Variants in DCAF6 observed in about 807,000 individuals in gnomAD.
DCAF6 encodes DDB1- and CUL4-associated factor 6.
A neutral mutation model predicts 125.1 loss-of-function variants in DCAF6; 54 were observed. That is an observed-to-expected ratio of 0.43 (90% CI 0.35 to 0.54). The LOEUF (loss-of-function observed/expected upper bound fraction) is 0.54. DCAF6 is among the 20% of genes least tolerant of loss of function. The probability of loss-of-function intolerance (pLI) is 0.01; values close to 1 mark genes in which losing one functional copy is unlikely to be tolerated. For synonymous variants in DCAF6, 371 were observed against 390.4 expected (o/e 0.95, Z 0.58); for missense variants, 934 against 1,161.7 (o/e 0.80, Z 2.85).
At chr1:167,921,578 G>GTGTTTTTAACAC in the DCAF6 span, among the ~76,000 whole-genome samples, 1 of 152,012 alleles carries the variant, frequency 6.6e-6, no homozygotes, top group East Asian at 1.9e-4. Context: ...TTTCTCTTCT[G>GTGTTTTTAACAC]TGTTTTTAAC....
Position 168,075,564 on chromosome 1 carries a change from T to A in DCAF6, c.*129T>A, listed in dbSNP as rs1693706427. 2.7e-6 allele frequency: 2 copies of A among 728,350 alleles called. No individual in the cohort carries two copies. Among genetic ancestry groups the A allele is most frequent in the East Asian group, 5.9e-5 (2 of 33,836 alleles). The allele number at this position is 728,350 out of a possible 1,614,324, so 45.1% of individuals were successfully genotyped here. A position where few individuals can be genotyped will look rare whatever the true frequency, so the allele number is the denominator to read the frequency against. ...TTGGAGTTTTTCCCTTTTTTTGGGA[T>A]AACCTAACATTGGTTTGGAATGATT... On this transcript the variant is annotated 3_prime_UTR_variant, in exon 22 of 22. Coordinates refer to ENST00000367840, the MANE Select transcript of DCAF6 (RefSeq NM_001198956.2).
chr1:167,920,134 C>A, the DCAF6 span: 1 of 1,225,040 alleles, frequency 8.2e-7, no homozygotes, highest in South Asian at 1.3e-5. Context: ...CATACTGCTT[C>A]AATAACTTCA....
chr1:167,927,532 A>C, the DCAF6 span, among the ~76,000 whole-genome samples: 1 of 152,238 alleles, frequency 6.6e-6, no homozygotes, highest in South Asian at 2.1e-4. Context: ...ATGGGTGTTC[A>C]TTTTTACTCT....
intron 3 of DCAF6, chr1:167,968,429 T>G (rs1436255228): frequency 6.6e-6 from 1 of 152,374 alleles, no homozygotes; most frequent in East Asian, 1.9e-4. Flanking sequence ...GTCTCTGTGA[T>G]GTCATGCTAG....
At chr1:168,009,373 TCC>T (rs1683880348) in intron 10 of DCAF6, among the ~76,000 whole-genome samples, 1 of 140,798 alleles carries the variant, frequency 7.1e-6, no homozygotes, top group African/African-American at 3.0e-5. Flanking sequence ...CTTCCTTCCT[TCC>T]TTCCTTCCTT....
rs574048053 is a variant in DCAF6, at chr1:168,000,793, A to G, written c.904-1689A>G. ...TTTATATGAAATGTTTAGAAAAGGC[A>G]TATCCACAGAGACAGGAAGTAGATT... On this transcript the variant is annotated intron_variant, in intron 7 of 21. Coordinates refer to ENST00000367840, the MANE Select transcript of DCAF6 (RefSeq NM_001198956.2). Among the ~76,000 whole-genome samples the G allele has an allele frequency of 1.6e-4, 24 of 152,230 alleles. No homozygotes were observed. In the East Asian group the frequency reaches 4.6e-3, roughly 29 times the overall value.
At chr1:167,933,088 T>C (rs1196438188), upstream of DCAF6, among the ~76,000 whole-genome samples, 1 of 151,530 alleles carries the variant, frequency 6.6e-6, no homozygotes, top group Admixed American at 6.6e-5. Context: ...AAATGGATAA[T>C]GAGAGCCTCA....
the DCAF6 span, among the ~76,000 whole-genome samples, chr1:167,890,004 A>G: frequency 0.26 from 40,272 of 152,068 alleles, 5,781 homozygotes; most frequent in African/African-American, 0.38. Context: ...TTCCTCAAAC[A>G]GCTTTTTTGA....
intron 17 of DCAF6, among the ~76,000 whole-genome samples, chr1:168,054,055 T>C (rs1049711232): frequency 3.3e-5 from 5 of 152,220 alleles, no homozygotes; most frequent in African/African-American, 1.2e-4. Flanking sequence ...CTCCCTCACT[T>C]ATTTCAGATA....
intron 1 of DCAF6, among the ~76,000 whole-genome samples, chr1:167,951,439 G>A (rs1451061820): frequency 1.3e-5 from 2 of 152,156 alleles, no homozygotes; most frequent in Admixed American, 6.5e-5. Context: ...GCTGGGCGTG[G>A]TGCTGTGTGC....
chr1:167,905,638 G>A, the DCAF6 span, among the ~76,000 whole-genome samples: 1 of 151,612 alleles, frequency 6.6e-6, no homozygotes, highest in Non-Finnish European at 1.5e-5. Flanking sequence ...GTGTGTGTGA[G>A]TGTATTTATA....
the DCAF6 span, among the ~76,000 whole-genome samples, chr1:167,883,869 C>A: frequency 1.3e-5 from 2 of 152,236 alleles, no homozygotes; most frequent in Non-Finnish European, 2.9e-5. Context: ...ATTACCCCAA[C>A]TGCTGGCTTC....
intron 1 of DCAF6, 32 bp from the exon 2 acceptor site, chr1:167,951,768 A>T (rs1673986236): frequency 7.3e-7 from 1 of 1,377,880 alleles, no homozygotes; most frequent in African/African-American, 1.4e-5. Flanking sequence ...TATTTGTGTG[A>T]TTTATTTAAT....
rs116798411 is a variant in DCAF6, at chr1:168,042,943, T to C, written c.1728-82T>C. The C allele has an allele frequency of 2.7e-3, 2,765 of 1,009,420 alleles. 58 individuals are homozygous for C. In the African/African-American group the frequency reaches 0.039, roughly 14 times the overall value. The allele number at this position is 1,009,420 out of a possible 1,614,324, so 62.5% of individuals were successfully genotyped here. A position where few individuals can be genotyped will look rare whatever the true frequency, so the allele number is the denominator to read the frequency against. On this transcript the variant is annotated intron_variant, in intron 13 of 21. Transcript: ENST00000367840. ...TACTTGTGAATTTTTTGGTCTACCT[T>C]TCTAGTTGTAAAATATAAAAATCCT...
upstream of DCAF6, chr1:167,935,849 G>A (rs1331859146): frequency 4.5e-6 from 7 of 1,548,314 alleles, no homozygotes; most frequent in Non-Finnish European, 6.1e-6. Flanking sequence ...CATCGCCGCC[G>A]AGGGATCGTT....
At chr1:167,900,058 G>A in the DCAF6 span, among the ~76,000 whole-genome samples, 4 of 152,214 alleles carry the variant, frequency 2.6e-5, no homozygotes, top group Admixed American at 6.5e-5. Flanking sequence ...GGGAAAGGAA[G>A]TATGCATTTG....
intron 12 of DCAF6, among the ~76,000 whole-genome samples, chr1:168,035,029 T>C (rs1454625027): frequency 6.6e-6 from 1 of 152,226 alleles, no homozygotes; most frequent in East Asian, 1.9e-4. Context: ...CCAGGAATCC[T>C]AATTCCTGAG....
chr1:168,023,865 G>A (rs1685974816), intron 12 of DCAF6: 1 of 152,154 alleles, frequency 6.6e-6, no homozygotes, highest in African/African-American at 2.4e-5. Flanking sequence ...AGTGTGATAA[G>A]TAATCTTAGT....
Position 168,063,297 on chromosome 1 carries a change from T to C in DCAF6, c.2301-324T>C, listed in dbSNP as rs532286023. Among the ~76,000 whole-genome samples the C allele has an allele frequency of 6.6e-5, 10 of 152,334 alleles. No homozygotes were observed. The South Asian group carries it at 1.9e-3, about 28-fold the overall frequency. ...CATTGGATAAAATTTGTTATATTTG[T>C]AGTAAAATTGCACATGAATTTTGTC... On this transcript the variant is annotated intron_variant, in intron 17 of 21. Coordinates refer to ENST00000367840, the MANE Select transcript of DCAF6 (RefSeq NM_001198956.2).
Sources: allele counts gnomAD v4.1 joint callset (sites outside exome capture counted in the v4.1 genomes callset), GRCh38; gene constraint gnomAD v4.1.1; transcripts MANE v1.5; gene names NCBI Gene and HGNC (gene_info 2026-07-23, HGNC 2026-07-21).